The following CHSY1 variants were observed in gnomAD, a reference collection of about 807,000 sequenced individuals.
CHSY1 encodes chondroitin sulfate synthase 1, also known as N-acetylgalactosaminyl-proteoglycan 3-beta-glucuronosyltransferase 1.
In CHSY1, 13 loss-of-function variants were observed where a neutral mutation model predicts 59.8. The observed-to-expected ratio is 0.22, with a 90% CI of 0.14 to 0.35. CHSY1 has a LOEUF of 0.35. Among genes scored for constraint, CHSY1 ranks in the 10% least tolerant of loss-of-function variants. CHSY1 has a pLI of 1.00. For missense variants in CHSY1, 947 were observed against 1,030.6 expected, an observed-to-expected ratio of 0.92 and a Z score of 1.11; for synonymous variants, 459 against 401.2, an observed-to-expected ratio of 1.14 and a Z score of -1.72.
intron 2 of CHSY1, 101 bp from the exon 3 acceptor site, chr15:101,179,081 C>T: frequency 8.6e-7 from 1 of 1,168,482 alleles, no homozygotes; most frequent in Non-Finnish European, 1.2e-6. Context: ...TCTGAATGGA[C>T]CACAGCACAC....
chr15:101,248,867 A>G (rs912682470), intron 1 of CHSY1, among the ~76,000 whole-genome samples: 1 of 151,494 alleles, frequency 6.6e-6, no homozygotes, highest in African/African-American at 2.4e-5. Context: ...GGTCACAGCA[A>G]CCTCTGCCTC....
At chr15:101,250,475 C>T (rs1279919582) in intron 1 of CHSY1, among the ~76,000 whole-genome samples, 2 of 152,190 alleles carry the variant, frequency 1.3e-5, no homozygotes, top group African/African-American at 2.4e-5. Context: ...AGCCCAGTTA[C>T]TGGATAACAT....
At chr15:101,213,672 C>A (rs758838397) in intron 2 of CHSY1, among the ~76,000 whole-genome samples, 2 of 152,194 alleles carry the variant, frequency 1.3e-5, no homozygotes, top group Admixed American at 1.3e-4. Flanking sequence ...GCATAAATTA[C>A]GCTGAAGTCA....
intron 1 of CHSY1, among the ~76,000 whole-genome samples, chr15:101,249,699 G>C (rs998542422): frequency 6.6e-6 from 1 of 152,020 alleles, no homozygotes; most frequent in African/African-American, 2.4e-5. Context: ...CTCTTGAGTA[G>C]AGACGGGGTT....
chr15:101,181,673 G>A (rs572864197), intron 2 of CHSY1, among the ~76,000 whole-genome samples: 4 of 152,342 alleles, frequency 2.6e-5, no homozygotes, highest in East Asian at 3.9e-4. Context: ...CTTCAAGACA[G>A]TAGCACAGAG....
At chr15:101,206,606 G>A (rs1242269727) in intron 2 of CHSY1, among the ~76,000 whole-genome samples, 2 of 152,132 alleles carry the variant, frequency 1.3e-5, no homozygotes, top group Non-Finnish European at 2.9e-5. Flanking sequence ...ATTAAATTAT[G>A]CACCAAAAGA....
Position 101,234,844 on chromosome 15 carries a change from G to T in CHSY1, c.816+238C>A, listed in dbSNP as rs7180232. 0.15 allele frequency among the ~76,000 whole-genome samples: 23,348 copies of T among 152,116 alleles called. 2,303 individuals are homozygous for T. Among genetic ancestry groups the T allele is most frequent in the East Asian group, 0.43 (2,240 of 5,162 alleles). On this transcript the variant is annotated intron_variant, in intron 2 of 2. Transcript: ENST00000254190. ...ATGGCGCCACTGCACTCCAGCCTGG[G>T]AGACAGAGCAAGACTCTCTCTGGGG... is the stretch of plus-strand genomic sequence containing the variant.
At chr15:101,196,751 T>A (rs2038511271) in intron 2 of CHSY1, among the ~76,000 whole-genome samples, 1 of 152,194 alleles carries the variant, frequency 6.6e-6, no homozygotes, top group South Asian at 2.1e-4. Flanking sequence ...AGGCTGGGCA[T>A]GGTGGCTCAT....
intron 2 of CHSY1, among the ~76,000 whole-genome samples, chr15:101,194,781 A>G (rs866205701): frequency 6.6e-6 from 1 of 152,122 alleles, no homozygotes; most frequent in African/African-American, 2.4e-5. Context: ...TTTTGTATGC[A>G]TGGGTTGGGT....
At chr15:101,190,844 A>G (rs1472787162) in intron 2 of CHSY1, among the ~76,000 whole-genome samples, 1 of 152,232 alleles carries the variant, frequency 6.6e-6, no homozygotes, top group Non-Finnish European at 1.5e-5. Context: ...AAGTCATCAT[A>G]TGTCATCAGG....
At chr15:101,226,584 T>C (rs1445241967) in intron 2 of CHSY1, among the ~76,000 whole-genome samples, 1 of 152,132 alleles carries the variant, frequency 6.6e-6, no homozygotes, top group Non-Finnish European at 1.5e-5. Flanking sequence ...CGCCCCACTC[T>C]GCCTCGTCAC....
At chr15:101,179,864 G>C (rs1567337324) in intron 2 of CHSY1, among the ~76,000 whole-genome samples, 1 of 152,366 alleles carries the variant, frequency 6.6e-6, no homozygotes, top group Non-Finnish European at 1.5e-5. Flanking sequence ...GTTAGGAAGG[G>C]AATGTGCCTA....
At chr15:101,233,319 C>T (rs2038908982) in intron 2 of CHSY1, among the ~76,000 whole-genome samples, 1 of 152,164 alleles carries the variant, frequency 6.6e-6, no homozygotes, top group Non-Finnish European at 1.5e-5. Flanking sequence ...TATATAACAG[C>T]ACGACCTAAC....
chr15:101,243,873 A>G (rs1453234300), intron 1 of CHSY1, among the ~76,000 whole-genome samples: 1 of 152,176 alleles, frequency 6.6e-6, no homozygotes, highest in Non-Finnish European at 1.5e-5. Context: ...ACCTGCAGAC[A>G]CTGCCATCAG....
intron 2 of CHSY1, among the ~76,000 whole-genome samples, chr15:101,195,545 G>C (rs2038495230): frequency 2.0e-5 from 3 of 152,368 alleles, no homozygotes; most frequent in Admixed American, 2.0e-4. Flanking sequence ...AAGCTGGCCG[G>C]GTGTGGTGGC....
At chr15:101,194,349 T>C (rs762822755) in intron 2 of CHSY1, among the ~76,000 whole-genome samples, 1 of 152,274 alleles carries the variant, frequency 6.6e-6, no homozygotes, top group Non-Finnish European at 1.5e-5. Flanking sequence ...TGTGTGTCCA[T>C]GTGTACGCAC....
chr15:101,238,919 A>G (rs997179615), intron 1 of CHSY1, among the ~76,000 whole-genome samples: 1 of 152,230 alleles, frequency 6.6e-6, no homozygotes, highest in Non-Finnish European at 1.5e-5. Context: ...ACAAAGGGAC[A>G]AGTCCTTTTG....
intron 2 of CHSY1, among the ~76,000 whole-genome samples, chr15:101,184,897 TG>T (rs1410291287): frequency 2.0e-5 from 3 of 152,206 alleles, no homozygotes; most frequent in African/African-American, 7.2e-5. Flanking sequence ...CCTGACAGAC[TG>T]GGTGGAACAC....
At chr15:101,249,659 G>T (rs569893813) in intron 1 of CHSY1, among the ~76,000 whole-genome samples, 1 of 151,864 alleles carries the variant, frequency 6.6e-6, no homozygotes, top group Admixed American at 6.6e-5. Context: ...GACTACAGGT[G>T]CACGCCACCA....
Sources: allele counts gnomAD v4.1 joint callset (sites outside exome capture counted in the v4.1 genomes callset), GRCh38; gene constraint gnomAD v4.1.1; transcripts MANE v1.5; gene names NCBI Gene and HGNC (gene_info 2026-07-23, HGNC 2026-07-21).